Variants in PRIM2 observed in about 807,000 individuals in gnomAD.
PRIM2 encodes DNA primase subunit 2.
In PRIM2, 39 loss-of-function variants were observed where a neutral mutation model predicts 67.3. That is an observed-to-expected ratio of 0.58 (90% CI 0.45 to 0.76). The LOEUF is 0.76. Among genes scored for constraint, PRIM2 ranks in the 30% least tolerant of loss-of-function variants. The pLI is 0.00. For synonymous variants in PRIM2, 143 were observed against 198.7 expected, an observed-to-expected ratio of 0.72 and a Z score of 2.36; for missense variants, 398 against 598.7, an observed-to-expected ratio of 0.66 and a Z score of 3.50.
upstream of PRIM2, among the ~76,000 whole-genome samples, chr6:57,315,651 G>C (rs532695343): frequency 1.3e-3 from 192 of 152,022 alleles, 1 homozygote; most frequent in African/African-American, 4.4e-3. Flanking sequence ...TTGTGTCTTA[G>C]GATTTTTTTC....
intron 11 of PRIM2, among the ~76,000 whole-genome samples, chr6:57,603,093 A>G (rs1204620970): frequency 1.3e-5 from 2 of 152,148 alleles, no homozygotes; most frequent in Admixed American, 6.5e-5. Context: ...TCTTTTGCAA[A>G]TGTTTTCTCC....
chr6:57,417,783 A>G (rs1156388062), intron 7 of PRIM2, among the ~76,000 whole-genome samples: 3 of 152,226 alleles, frequency 2.0e-5, no homozygotes, highest in African/African-American at 4.8e-5. Flanking sequence ...AGCACATGCT[A>G]TTGGAAAAAT....
intron 7 of PRIM2, among the ~76,000 whole-genome samples, chr6:57,401,779 A>T (rs1310308818): frequency 6.6e-6 from 1 of 152,164 alleles, no homozygotes; most frequent in South Asian, 2.1e-4. Flanking sequence ...GGCCCCAGCC[A>T]GGGGTTCTCT....
At chr6:57,425,967 A>G (rs1451475418) in intron 7 of PRIM2, among the ~76,000 whole-genome samples, 3 of 152,306 alleles carry the variant, frequency 2.0e-5, no homozygotes, top group African/African-American at 4.8e-5. Flanking sequence ...ATCAATTTCT[A>G]TTTTAAAAGT....
intron 5 of PRIM2, among the ~76,000 whole-genome samples, chr6:57,343,689 T>C (rs1008025708): frequency 7.2e-5 from 11 of 152,034 alleles, no homozygotes; most frequent in African/African-American, 2.7e-4. Context: ...TCTCAAACAC[T>C]CTTAGTGGAA....
chr6:57,559,966 G>T (rs1248168068), intron 10 of PRIM2, among the ~76,000 whole-genome samples: 14 of 152,140 alleles, frequency 9.2e-5, no homozygotes, highest in Admixed American at 9.2e-4. Flanking sequence ...GATTGGAGTG[G>T]CTCTTACAAT....
At chr6:57,376,561 C>A (rs1163680695) in intron 5 of PRIM2, among the ~76,000 whole-genome samples, 9 of 152,044 alleles carry the variant, frequency 5.9e-5, no homozygotes, top group Non-Finnish European at 1.3e-4. Flanking sequence ...CATTTTAGAA[C>A]CAGAACGTCC....
intron 8 of PRIM2, among the ~76,000 whole-genome samples, chr6:57,527,139 C>T (rs1554349480): frequency 2.0e-4 from 30 of 152,194 alleles, no homozygotes; most frequent in Non-Finnish European, 3.5e-4. Flanking sequence ...TGTTTTTCTT[C>T]TACCTTGATT....
At position 57,324,097 on chromosome 6, in the gene PRIM2, G is replaced by A. The variant is rs1767756631; in HGVS notation, c.259-104G>A. 5 of 647,762 alleles carry A rather than the reference G, an allele frequency of 7.7e-6. No individual in the cohort carries two copies. In the Admixed American group the frequency reaches 1.0e-4, roughly 13 times the overall value. The allele number at this position is 647,762 out of a possible 1,614,324, so 40.1% of individuals were successfully genotyped here. On this transcript the variant is annotated intron_variant, in intron 3 of 13. Transcript: ENST00000615550. ...AGACCCCATCTCTAAAAAAAGAAAT[G>A]TTTTTGAAACTTACTTTACCATTGG...
At chr6:57,547,841 G>A (rs1458680688) in intron 10 of PRIM2, among the ~76,000 whole-genome samples, 3 of 152,208 alleles carry the variant, frequency 2.0e-5, no homozygotes, top group African/African-American at 7.2e-5. Context: ...ACAAACTTGT[G>A]TTGTTAAAAA....
At chr6:57,263,427 C>A in the PRIM2 span, among the ~76,000 whole-genome samples, 1 of 152,182 alleles carries the variant, frequency 6.6e-6, no homozygotes, top group Non-Finnish European at 1.5e-5. Context: ...CCTTGGTGTT[C>A]CCTGGCTTAG....
At chr6:57,628,592 C>T (rs1776993659) in intron 12 of PRIM2, among the ~76,000 whole-genome samples, 2 of 152,134 alleles carry the variant, frequency 1.3e-5, no homozygotes, top group South Asian at 2.1e-4. Context: ...TCCCATTGCC[C>T]AAGTAGTGAA....
At position 57,621,464 on chromosome 6, in the gene PRIM2, C is replaced by CT. The variant is rs1182317316; in HGVS notation, c.1231-10659dup. Among the ~76,000 whole-genome samples the CT allele has an allele frequency of 3.5e-4, 53 of 149,362 alleles. 1 individual carries two copies. Among genetic ancestry groups the CT allele is most frequent in the East Asian group, 5.9e-4 (3 of 5,096 alleles). On this transcript the variant is annotated intron_variant, in intron 12 of 13. Coordinates refer to ENST00000615550, the MANE Select transcript of PRIM2 (RefSeq NM_000947.5). ...CATAGTACCATTTTTATTCCCATCACTTTTTTTTTTGATGTATTTTTTTCT... is the reference window on the plus strand; with the variant it reads ...CATAGTACCATTTTTATTCCCATCACTTTTTTTTTTTGATGTATTTTTTTCT...
chr6:57,435,668 T>G (rs549406352), intron 7 of PRIM2, among the ~76,000 whole-genome samples: 1 of 152,352 alleles, frequency 6.6e-6, no homozygotes, highest in East Asian at 1.9e-4. Context: ...TGGCTGAACT[T>G]TGCCCCCAGT....
intron 8 of PRIM2, among the ~76,000 whole-genome samples, chr6:57,525,012 T>A (rs1257618271): frequency 1.3e-5 from 2 of 152,008 alleles, no homozygotes; most frequent in African/African-American, 4.8e-5. Context: ...GGTCTTTGAT[T>A]AAAGACCTAT....
intron 7 of PRIM2, among the ~76,000 whole-genome samples, chr6:57,482,191 G>T (rs1230539706): frequency 2.0e-5 from 3 of 151,146 alleles, no homozygotes; most frequent in Non-Finnish European, 4.4e-5. Flanking sequence ...AGGGGAAAAT[G>T]ATGAGTTTGG....
chr6:57,499,812 A>T (rs1366790249), intron 7 of PRIM2, among the ~76,000 whole-genome samples: 2 of 152,172 alleles, frequency 1.3e-5, no homozygotes, highest in African/African-American at 4.8e-5. Flanking sequence ...TGCTCTAATG[A>T]GCTACTAGTT....
chr6:57,270,939 T>G, the PRIM2 span, among the ~76,000 whole-genome samples: 1 of 151,622 alleles, frequency 6.6e-6, no homozygotes, highest in Non-Finnish European at 1.5e-5. Context: ...CTTACTGATT[T>G]GTGTATGTTG....
intron 7 of PRIM2, among the ~76,000 whole-genome samples, chr6:57,387,000 T>C (rs899765985): frequency 6.6e-6 from 1 of 152,168 alleles, no homozygotes; most frequent in African/African-American, 2.4e-5. Context: ...TATGACTATC[T>C]AGCTTTTGAA....
Sources: gnomAD v4.1 joint callset for allele counts (sites outside exome capture counted in the v4.1 genomes callset) on GRCh38, gnomAD v4.1.1 for gene constraint, MANE v1.5 for transcripts, NCBI Gene and HGNC (gene_info 2026-07-23, HGNC 2026-07-21) for gene names.